The following CRPPA variants were observed in gnomAD, a reference collection of about 807,000 sequenced individuals.
The protein encoded by CRPPA is CDP-L-ribitol pyrophosphorylase A.
Under a neutral mutation model 52.0 loss-of-function variants are expected in CRPPA, and 43 were observed. The observed-to-expected ratio is 0.83, with a 90% CI of 0.65 to 1.07. The LOEUF is 1.07. CRPPA is among the 50% of genes least tolerant of loss of function. CRPPA has a pLI of 0.00. For synonymous variants in CRPPA, 250 were observed against 203.5 expected (o/e 1.23, Z -1.94); for missense variants, 629 against 551.7 (o/e 1.14, Z -1.40).
chr7:16,223,484 A>G (rs1218809115), intron 8 of CRPPA, among the ~76,000 whole-genome samples: 2 of 152,202 alleles, frequency 1.3e-5, no homozygotes, highest in Non-Finnish European at 2.9e-5. Flanking sequence ...GAAGAAGTAG[A>G]TGCATCTCAA....
At chr7:16,332,979 T>C (rs1785589630) in intron 3 of CRPPA, among the ~76,000 whole-genome samples, 1 of 152,072 alleles carries the variant, frequency 6.6e-6, no homozygotes, top group Non-Finnish European at 1.5e-5. Flanking sequence ...TAGGAGTAGC[T>C]AATTTCACAC....
At chr7:16,180,430 ATATAT>A (rs1359367365) in intron 9 of CRPPA, among the ~76,000 whole-genome samples, 16 of 152,268 alleles carry the variant, frequency 1.1e-4, no homozygotes, top group African/African-American at 2.6e-4. Context: ...AAAGCAACAA[ATATAT>A]TATATGAGTG....
intron 3 of CRPPA, among the ~76,000 whole-genome samples, chr7:16,374,381 T>G (rs1043186534): frequency 4.6e-5 from 7 of 152,168 alleles, no homozygotes; most frequent in African/African-American, 1.7e-4. Context: ...CTTTTGGACT[T>G]GAATTGAACC....
chr7:16,335,188 AT>A (rs1785650571), intron 3 of CRPPA, among the ~76,000 whole-genome samples: 2 of 150,250 alleles, frequency 1.3e-5, no homozygotes, highest in African/African-American at 2.4e-5. Context: ...AGGAAAAAGA[AT>A]AAAAAAAAAA....
intron 2 of CRPPA, among the ~76,000 whole-genome samples, chr7:16,391,863 C>T (rs184503164): frequency 1.3e-5 from 2 of 152,228 alleles, no homozygotes; most frequent in Admixed American, 1.3e-4. Context: ...GATTAGGCCA[C>T]ACAAAGAAGT....
chr7:16,325,778 G>T (rs1785370303), intron 3 of CRPPA, among the ~76,000 whole-genome samples: 1 of 152,004 alleles, frequency 6.6e-6, no homozygotes, highest in Non-Finnish European at 1.5e-5. Flanking sequence ...ATGGTCTTAA[G>T]ATACCCTATG....
chr7:16,132,229 C>A (rs1782694114), intron 9 of CRPPA, among the ~76,000 whole-genome samples: 1 of 127,252 alleles, frequency 7.9e-6, no homozygotes, highest in African/African-American at 2.6e-5. Flanking sequence ...CTCCTTTCTT[C>A]TTTTCTATTA....
chr7:16,342,763 C>CAAAAAAAAAAAAAAAAAAAA (rs368521163), intron 3 of CRPPA, among the ~76,000 whole-genome samples: 2 of 64,964 alleles, frequency 3.1e-5, no homozygotes, highest in Non-Finnish European at 5.9e-5. Flanking sequence ...CCTGTCTCCA[C>CAAAAAAAAAAAAAAAAAAAA]AAAAAAAAAA....
At chr7:16,285,589 T>A (rs1784407827) in intron 5 of CRPPA, among the ~76,000 whole-genome samples, 1 of 151,998 alleles carries the variant, frequency 6.6e-6, no homozygotes, top group South Asian at 2.1e-4. Context: ...AGAGAGAAAA[T>A]TCATGCCAGA....
At chr7:16,212,338 A>T (rs1255483766) in intron 9 of CRPPA, among the ~76,000 whole-genome samples, 1 of 152,198 alleles carries the variant, frequency 6.6e-6, no homozygotes, top group Non-Finnish European at 1.5e-5. Flanking sequence ...AAGTGAAATG[A>T]CAGTTTAGTG....
chr7:16,286,064 T>TAATATTTAAAAAAAAA (rs1562608511), intron 5 of CRPPA, among the ~76,000 whole-genome samples: 1 of 29,770 alleles, frequency 3.4e-5, no homozygotes, highest in African/African-American at 2.1e-4. Context: ...TATATATATA[T>TAATATTTAAAAAAAAA]ATATATATAT....
At chr7:16,221,220 G>C (rs1782490253) in intron 8 of CRPPA, among the ~76,000 whole-genome samples, 2 of 152,182 alleles carry the variant, frequency 1.3e-5, no homozygotes, top group South Asian at 4.1e-4. Flanking sequence ...AATAAATGGG[G>C]CTGGGAAAAC....
chr7:16,406,497 G>A (rs569555877), intron 1 of CRPPA, among the ~76,000 whole-genome samples, 160 bp from the exon 2 acceptor site: 1 of 152,270 alleles, frequency 6.6e-6, no homozygotes, highest in African/African-American at 2.4e-5. Context: ...CCAGTAAAGA[G>A]GCTGATGAAA....
chr7:16,369,125 T>C (rs899266101), intron 3 of CRPPA, among the ~76,000 whole-genome samples: 1 of 152,162 alleles, frequency 6.6e-6, no homozygotes, highest in African/African-American at 2.4e-5. Context: ...CACCAAGTTG[T>C]AGAAGGAAGG....
intron 4 of CRPPA, among the ~76,000 whole-genome samples, chr7:16,304,524 C>T (rs533220677): frequency 1.4e-4 from 21 of 152,078 alleles, no homozygotes; most frequent in Non-Finnish European, 7.4e-5. Context: ...ACCTATAGTC[C>T]TAGCTATTTG....
At chr7:16,296,846 A>C (rs1407884866) in intron 5 of CRPPA, among the ~76,000 whole-genome samples, 2 of 152,332 alleles carry the variant, frequency 1.3e-5, no homozygotes, top group African/African-American at 4.8e-5. Context: ...GCCAGTAACA[A>C]ACACTTTCTA....
At chr7:16,247,893 A>C (rs950684152) in intron 8 of CRPPA, 2 of 152,188 alleles carry the variant, frequency 1.3e-5, no homozygotes, top group Admixed American at 6.5e-5. Context: ...AGCTTGGTAC[A>C]GGAACAACAG....
intron 8 of CRPPA, among the ~76,000 whole-genome samples, chr7:16,250,248 T>A (rs887578858): frequency 6.6e-6 from 1 of 152,206 alleles, no homozygotes; most frequent in East Asian, 1.9e-4. Context: ...CTATGTTTGA[T>A]TGGTGTACCT....
chr7:16,158,028 C>G (rs893321481), intron 9 of CRPPA, among the ~76,000 whole-genome samples: 9 of 151,698 alleles, frequency 5.9e-5, no homozygotes, highest in Non-Finnish European at 1.2e-4. Flanking sequence ...GCACGTGCCA[C>G]CACGCCCAGC....
Sources: allele counts gnomAD v4.1 joint callset (sites outside exome capture counted in the v4.1 genomes callset), GRCh38; gene constraint gnomAD v4.1.1; transcripts MANE v1.5; gene names NCBI Gene and HGNC (gene_info 2026-07-23, HGNC 2026-07-21).